Variants in SCN2A observed in about 807,000 individuals in gnomAD.
SCN2A encodes sodium voltage-gated channel alpha subunit 2.
SCN2A carries 20 observed loss-of-function variants against 188.7 expected under a neutral mutation model. That is an observed-to-expected ratio of 0.11 (90% CI 0.07 to 0.15). The LOEUF is 0.15. SCN2A is among the 10% of genes least tolerant of loss of function. SCN2A has a pLI of 1.00. For synonymous variants in SCN2A, 804 were observed against 833.1 expected (o/e 0.97, Z 0.60); for missense variants, 1,278 against 2,445.0 (o/e 0.52, Z 10.07).
At chr2:165,357,226 A>G (rs4302227) in intron 17 of SCN2A, among the ~76,000 whole-genome samples, 5,950 of 152,254 alleles carry the variant, frequency 0.039, 375 homozygotes, top group African/African-American at 0.13. Flanking sequence ...TAAAACAATT[A>G]TTGAAGAATT....
chr2:165,253,272 G>A (rs1247916560), intron 1 of SCN2A, among the ~76,000 whole-genome samples: 6 of 151,912 alleles, frequency 3.9e-5, no homozygotes, highest in Non-Finnish European at 7.4e-5. Context: ...TCTAGAGCTG[G>A]TAATCTTTCT....
At position 165,323,383 on chromosome 2, in the gene SCN2A, G is replaced by T. The variant is rs1367730932; in HGVS notation, c.1899G>T (p.Arg633Ser). Residue 633 changes from arginine (R) to serine (S), a missense_variant, in exon 12 of 27, where the codon AGG becomes AGT. Coordinates refer to ENST00000375437, the MANE Select transcript of SCN2A (RefSeq NM_001040142.2). ...SNVSQASRAS[R>S]VLPILPMNGK... The stretch of plus-strand genomic sequence containing the variant: ...TCAGCCAGGCCAGCCGTGCCTCCAG[G>T]GTGCTCCCCATCCTGCCCATGAATG... The T allele has an allele frequency of 1.9e-6, 3 of 1,614,096 alleles. No individual in the cohort carries two copies. The South Asian group carries it at 3.3e-5, about 18-fold the overall frequency.
At chr2:165,372,225 T>C (rs1246788431) in intron 20 of SCN2A, 1 of 152,196 alleles carries the variant, frequency 6.6e-6, no homozygotes, top group African/African-American at 2.4e-5. Context: ...ATATGAACTA[T>C]GTAAGACATA....
At chr2:165,291,495 C>CTTTCT (rs1559340349) in intron 1 of SCN2A, among the ~76,000 whole-genome samples, 4,586 of 43,542 alleles carry the variant, frequency 0.11, 250 homozygotes, top group Non-Finnish European at 0.12. Flanking sequence ...TCTTTCTTTT[C>CTTTCT]TTTCTTTCTT....
At chr2:165,269,211 C>A (rs1368162825) in intron 1 of SCN2A, 1 of 151,962 alleles carries the variant, frequency 6.6e-6, no homozygotes, top group East Asian at 1.9e-4. Flanking sequence ...TTGATTTAAT[C>A]ATTTCACAAT....
At chr2:165,280,519 T>G (rs353111) in intron 1 of SCN2A, among the ~76,000 whole-genome samples, 40,694 of 152,084 alleles carry the variant, frequency 0.27, 5,833 homozygotes, top group South Asian at 0.32. Flanking sequence ...ATCTGAGTCA[T>G]TTTTTCCACT....
chr2:165,246,756 C>T (rs1201177611), intron 1 of SCN2A, among the ~76,000 whole-genome samples: 1 of 152,086 alleles, frequency 6.6e-6, no homozygotes, highest in East Asian at 1.9e-4. Context: ...ACTTTTGCAG[C>T]TGGACGCATG....
At chr2:165,253,781 GTATAAC>G (rs1694199075) in intron 1 of SCN2A, among the ~76,000 whole-genome samples, 1 of 151,904 alleles carries the variant, frequency 6.6e-6, no homozygotes, top group Non-Finnish European at 1.5e-5. Context: ...AAATGTATAG[GTATAAC>G]TATATTACTG....
chr2:165,262,384 CCT>C (rs915413827), intron 1 of SCN2A, among the ~76,000 whole-genome samples: 5 of 152,182 alleles, frequency 3.3e-5, no homozygotes, highest in African/African-American at 1.2e-4. Flanking sequence ...CACCATTTCC[CCT>C]GAGTCCTCAA....
intron 1 of SCN2A, among the ~76,000 whole-genome samples, chr2:165,250,920 C>A (rs1395512588): frequency 6.6e-6 from 1 of 151,888 alleles, no homozygotes; most frequent in Non-Finnish European, 1.5e-5. Context: ...AGATTTCTGA[C>A]CTTAATTGAC....
chr2:165,286,515 T>C (rs1165917404), intron 1 of SCN2A, among the ~76,000 whole-genome samples: 1 of 152,174 alleles, frequency 6.6e-6, no homozygotes, highest in African/African-American at 2.4e-5. Flanking sequence ...GAACATCTTA[T>C]GTGTTTGACA....
chr2:165,339,818 G>A lies in SCN2A; in HGVS notation c.2389-2478G>A, dbSNP rs113661428. 7.5e-3 allele frequency among the ~76,000 whole-genome samples: 1,145 copies of A among 152,222 alleles called. 23 individuals are homozygous for A. Among genetic ancestry groups the A allele is most frequent in the African/African-American group, 0.025 (1,056 of 41,554 alleles). ...AGAAATTGATGAACTGACTTTCTAT[G>A]CAAATACACAGTGCTTAAAATTGCC... On this transcript the variant is annotated intron_variant, in intron 14 of 26. Coordinates refer to ENST00000375437, the MANE Select transcript of SCN2A (RefSeq NM_001040142.2).
intron 17 of SCN2A, among the ~76,000 whole-genome samples, chr2:165,356,633 C>T (rs1018266228): frequency 2.0e-5 from 3 of 152,150 alleles, no homozygotes; most frequent in African/African-American, 4.8e-5. Context: ...CAGTATCAAA[C>T]GTTGAAGCCA....
chr2:165,256,828 A>G (rs1313563530), intron 1 of SCN2A, among the ~76,000 whole-genome samples: 1 of 152,150 alleles, frequency 6.6e-6, no homozygotes, highest in Non-Finnish European at 1.5e-5. Context: ...TCATCATTAC[A>G]GAAGATACTC....
intron 1 of SCN2A, among the ~76,000 whole-genome samples, chr2:165,249,334 C>A (rs1375119068): frequency 1.3e-5 from 2 of 152,134 alleles, no homozygotes; most frequent in African/African-American, 4.8e-5. Flanking sequence ...TGGAGCAAAG[C>A]ACTGGTCTCA....
chr2:165,305,624 A>G (rs34382139), intron 3 of SCN2A, among the ~76,000 whole-genome samples: 85,291 of 151,374 alleles, frequency 0.56, 24,507 homozygotes, highest in Middle Eastern at 0.64. Flanking sequence ...AGATAACTTA[A>G]TGCTAAGGGG....
Position 165,265,077 on chromosome 2 carries a change from G to A in SCN2A, c.-52+25437G>A, listed in dbSNP as rs982729878. On this transcript the variant is annotated intron_variant, in intron 1 of 26. Transcript: ENST00000375437. ...TTCCACAATGATTGAACTAAGTTACGCTCCCACCAACAGTGTATAAGTAAG... is the reference window on the plus strand; with the variant it reads ...TTCCACAATGATTGAACTAAGTTACACTCCCACCAACAGTGTATAAGTAAG... Among the ~76,000 whole-genome samples the A allele has an allele frequency of 2.6e-5, 4 of 152,024 alleles. No homozygotes were observed. In the East Asian group the frequency reaches 7.8e-4, roughly 30 times the overall value.
intron 3 of SCN2A, among the ~76,000 whole-genome samples, chr2:165,306,427 C>T (rs1360615061): frequency 6.6e-6 from 1 of 151,604 alleles, no homozygotes; most frequent in Non-Finnish European, 1.5e-5. Context: ...ATACCAATAG[C>T]AAGTCATTCT....
intron 16 of SCN2A, among the ~76,000 whole-genome samples, chr2:165,348,358 C>CAA (rs559810900): frequency 0.035 from 2,834 of 80,436 alleles, 124 homozygotes; most frequent in African/African-American, 0.11. Context: ...GACTCTGTTG[C>CAA]AAAAAAAAAA....
Sources: allele counts gnomAD v4.1 joint callset (sites outside exome capture counted in the v4.1 genomes callset), GRCh38; gene constraint gnomAD v4.1.1; transcripts MANE v1.5; gene names NCBI Gene and HGNC (gene_info 2026-07-23, HGNC 2026-07-21).